PALLD: variants seen among roughly 807,000 people sequenced by gnomAD.
PALLD encodes palladin, cytoskeletal associated protein.
PALLD carries 61 observed loss-of-function variants against 123.5 expected under a neutral mutation model. The ratio of observed to expected loss-of-function variants is 0.49; its 90% CI spans 0.40 to 0.61. The LOEUF (loss-of-function observed/expected upper bound fraction) is 0.61, where lower values mean the gene tolerates loss of function less well. PALLD is among the 20% of genes least tolerant of loss of function. The pLI, the probability that PALLD is intolerant of heterozygous loss-of-function variation, is 0.00. For missense variants in PALLD, 1,273 were observed against 1,377.0 expected (o/e 0.92, Z 1.20); for synonymous variants, 465 against 496.4 (o/e 0.94, Z 0.84).
chr4:168,707,762 A>G (rs1447219084), intron 8 of PALLD, among the ~76,000 whole-genome samples: 2 of 152,360 alleles, frequency 1.3e-5, no homozygotes, highest in East Asian at 3.9e-4. Flanking sequence ...AATGTACAAT[A>G]CACGGTCTTA....
At chr4:168,919,253 G>A (rs537951831) in intron 17 of PALLD, among the ~76,000 whole-genome samples, 11 of 152,274 alleles carry the variant, frequency 7.2e-5, no homozygotes, top group African/African-American at 2.6e-4. Flanking sequence ...GGCCAGGCAC[G>A]TGGGTCACGC....
At chr4:168,556,428 TGAA>T (rs561109915) in intron 2 of PALLD, among the ~76,000 whole-genome samples, 3 of 152,116 alleles carry the variant, frequency 2.0e-5, no homozygotes, top group Admixed American at 6.5e-5. Context: ...GACCAGAAGT[TGAA>T]GAAGAAGAAG....
At chr4:168,924,885 T>G (rs757105205) in intron 19 of PALLD, 60 bp from the exon 20 acceptor site, 1 of 1,565,500 alleles carries the variant, frequency 6.4e-7, no homozygotes, top group Non-Finnish European at 8.8e-7. Context: ...AAATGATGCT[T>G]CATGTCCAAA....
chr4:168,512,180 G>C lies in PALLD; in HGVS notation c.676G>C (p.Asp226His). The C allele has an allele frequency of 6.2e-7, 1 of 1,613,824 alleles. No individual in the cohort carries two copies. Residue 226 changes from aspartate (D) to histidine (H), a missense_variant, in exon 2 of 22, where the codon GAC (aspartate) becomes CAC (histidine). Physicochemically the swap from Asp to His is moderately conservative, Grantham distance 81 (BLOSUM62 -1). Transcript: ENST00000505667. Reference sequence around the variant, plus strand: ...CTCAGCCAGCCAGAGCCCTATGGAAGACCAAGGGGAGATGGAAAGAGAGGT... The same window carrying C: ...CTCAGCCAGCCAGAGCCCTATGGAACACCAAGGGGAGATGGAAAGAGAGGT... ...SASASQSPME[D>H]QGEMEREVKS...
intron 3 of PALLD, among the ~76,000 whole-genome samples, chr4:168,670,377 G>C (rs1180973774): frequency 6.6e-6 from 1 of 152,212 alleles, no homozygotes; most frequent in East Asian, 1.9e-4. Context: ...ATGTGGTTAA[G>C]AGACAATTCC....
intron 3 of PALLD, among the ~76,000 whole-genome samples, chr4:168,678,315 G>A (rs1193276819): frequency 6.6e-6 from 1 of 152,118 alleles, no homozygotes; most frequent in Non-Finnish European, 1.5e-5. Flanking sequence ...ATGAGGTAAA[G>A]TGCCCAGCAG....
intron 2 of PALLD, among the ~76,000 whole-genome samples, chr4:168,646,987 T>C (rs759216011): frequency 2.0e-5 from 3 of 152,200 alleles, no homozygotes; most frequent in Non-Finnish European, 2.9e-5. Context: ...CCAATACTTA[T>C]GCATAAATAT....
chr4:168,534,857 G>A (rs10518005), intron 2 of PALLD, among the ~76,000 whole-genome samples: 1 of 151,824 alleles, frequency 6.6e-6, no homozygotes, highest in East Asian at 1.9e-4. Flanking sequence ...GTCTTTTATC[G>A]CATTACCCAA....
intron 2 of PALLD, among the ~76,000 whole-genome samples, chr4:168,567,230 A>G (rs1768483710): frequency 6.6e-6 from 1 of 152,178 alleles, no homozygotes; most frequent in African/African-American, 2.4e-5. Context: ...AACAGAGTAA[A>G]CAGACAACCT....
intron 8 of PALLD, among the ~76,000 whole-genome samples, chr4:168,702,815 A>G (rs1353141241): frequency 6.6e-6 from 1 of 152,090 alleles, no homozygotes; most frequent in Non-Finnish European, 1.5e-5. Flanking sequence ...AATCCCTTGT[A>G]ACTTTCCAGA....
chr4:168,508,807 C>T (rs922210678), intron 1 of PALLD, among the ~76,000 whole-genome samples: 5 of 152,150 alleles, frequency 3.3e-5, no homozygotes, highest in African/African-American at 1.2e-4. Flanking sequence ...CTTCATGTCT[C>T]TTCTGGATCC....
At chr4:168,704,317 G>C (rs1272500211) in intron 8 of PALLD, among the ~76,000 whole-genome samples, 2 of 152,098 alleles carry the variant, frequency 1.3e-5, no homozygotes, top group Non-Finnish European at 2.9e-5. Context: ...CATGACATAG[G>C]CATGGACAAT....
At chr4:168,686,799 A>T (rs1469452048) in intron 6 of PALLD, 1 of 152,226 alleles carries the variant, frequency 6.6e-6, no homozygotes, top group Non-Finnish European at 1.5e-5. Flanking sequence ...AAAGTGGCTA[A>T]GAATAGCCAG....
chr4:168,711,973 T>A, intron 10 of PALLD, 50 bp downstream of exon 10: 1 of 1,521,202 alleles, frequency 6.6e-7, no homozygotes, highest in Non-Finnish European at 9.1e-7. Context: ...CCTGTTACAT[T>A]TCCTGTCTGG....
At chr4:168,698,487 C>T (rs1783365987) in intron 8 of PALLD, among the ~76,000 whole-genome samples, 1 of 151,996 alleles carries the variant, frequency 6.6e-6, no homozygotes. Context: ...ATGTCATGTA[C>T]CCAGTAAATA....
At chr4:168,664,248 AAATT>A (rs1319366395) in intron 2 of PALLD, among the ~76,000 whole-genome samples, 1 of 150,730 alleles carries the variant, frequency 6.6e-6, no homozygotes, top group African/African-American at 2.5e-5. Flanking sequence ...TTAAAAAAAT[AAATT>A]AAGACTGATT....
intron 2 of PALLD, among the ~76,000 whole-genome samples, chr4:168,555,145 T>C (rs981778289): frequency 1.3e-5 from 2 of 152,218 alleles, no homozygotes; most frequent in Non-Finnish European, 2.9e-5. Context: ...TCTACTATTA[T>C]TAAAGATTTA....
intron 2 of PALLD, among the ~76,000 whole-genome samples, chr4:168,653,569 C>T (rs1580779152): frequency 6.6e-6 from 1 of 152,340 alleles, no homozygotes; most frequent in East Asian, 1.9e-4. Flanking sequence ...GCAGAAATCA[C>T]ATTATCTAGC....
chr4:168,553,689 G>T (rs1425904523), intron 2 of PALLD, among the ~76,000 whole-genome samples: 2 of 110,544 alleles, frequency 1.8e-5, no homozygotes, highest in Admixed American at 8.9e-5. Flanking sequence ...ACCCATTTTT[G>T]TTGTTGTTGT....
Sources: gnomAD v4.1 joint callset for allele counts (sites outside exome capture counted in the v4.1 genomes callset) on GRCh38, gnomAD v4.1.1 for gene constraint, MANE v1.5 for transcripts, NCBI Gene and HGNC (gene_info 2026-07-23, HGNC 2026-07-21) for gene names.